Variants in NBPF20 observed in about 807,000 individuals in gnomAD.
The protein encoded by NBPF20 is NBPF member 20.
Under a neutral mutation model 68.1 loss-of-function variants are expected in NBPF20, and 90 were observed. The ratio of observed to expected loss-of-function variants is 1.32; its 90% CI spans 1.11 to 1.58. NBPF20 has a LOEUF of 1.58. NBPF20 is among the 40% of genes most tolerant of loss of function. The pLI is 0.00. For missense variants in NBPF20, 816 were observed against 601.2 expected (o/e 1.36, Z -3.74); for synonymous variants, 290 against 228.1 (o/e 1.27, Z -2.45).
At chr1:145,409,820 C>T (rs1662936756), upstream of NBPF20, among the ~76,000 whole-genome samples, 1 of 151,752 alleles carries the variant, frequency 6.6e-6, no homozygotes, top group Non-Finnish European at 1.5e-5. Context: ...TCCACATACA[C>T]ATATAGCTTA....
chr1:145,292,054 T>A (rs1553657957), intron 137 of NBPF20, among the ~76,000 whole-genome samples: 1 of 149,392 alleles, frequency 6.7e-6, no homozygotes, highest in African/African-American at 2.6e-5. Flanking sequence ...AAGGACACTC[T>A]GAGTTAGTGT....
intron 137 of NBPF20, among the ~76,000 whole-genome samples, chr1:145,292,151 C>A (rs1490336380): frequency 6.7e-6 from 1 of 149,728 alleles, no homozygotes; most frequent in East Asian, 1.9e-4. Flanking sequence ...ATGCAGTGGC[C>A]ATGAGAGTAC....
chr1:145,411,392 T>C, the NBPF20 span, among the ~76,000 whole-genome samples: 1 of 136,428 alleles, frequency 7.3e-6, no homozygotes, highest in Admixed American at 7.2e-5. Flanking sequence ...CTTTCCTTTT[T>C]TTTTTTTTTT....
chr1:145,291,494 G>C (rs782494121), exon 138 of NBPF20: 4 of 1,612,030 alleles, frequency 2.5e-6, no homozygotes, highest in Non-Finnish European at 3.4e-6. Context: ...CCTGCCTGCA[G>C]GAATGACATC....
At chr1:145,291,537 A>T in exon 138 of NBPF20, 1 of 1,612,044 alleles carries the variant, frequency 6.2e-7, no homozygotes, top group Non-Finnish European at 8.5e-7. Flanking sequence ...TATTGTGGGA[A>T]TATGACTCCC....
Position 145,294,819 on chromosome 1 carries a change from CAA to C in NBPF20, c.16324_16325del (p.Leu5442GlyfsTer10). The stretch of plus-strand genomic sequence containing the variant: ...GAGCCAAGCCAAGGTACTGTTCCTC[CAA>C]TGAGTAAACAGCACTGCTGTAGGGC... On this transcript the variant is annotated frameshift_variant, in exon 134 of 138. Coordinates refer to ENST00000369373, the Ensembl canonical transcript of NBPF20. LOFTEE classifies it high-confidence loss of function. The C allele has an allele frequency of 6.9e-6, 2 of 289,972 alleles. No individual in the cohort carries two copies. Among genetic ancestry groups the C allele is most frequent in the Non-Finnish European group, 5.7e-6 (1 of 176,318 alleles). 18.0% of individuals were successfully genotyped at this position (289,972 alleles called of 1,614,324 possible).
chr1:145,425,535 G>A, the NBPF20 span, among the ~76,000 whole-genome samples: 1 of 152,136 alleles, frequency 6.6e-6, no homozygotes, highest in African/African-American at 2.4e-5. Context: ...CAATATCGCC[G>A]CTGTCTCAAC....
chr1:145,419,641 G>C, the NBPF20 span, among the ~76,000 whole-genome samples: 1 of 151,932 alleles, frequency 6.6e-6, no homozygotes, highest in Non-Finnish European at 1.5e-5. Flanking sequence ...TTCCCTCCTC[G>C]CACTGGCTCC....
the NBPF20 span, among the ~76,000 whole-genome samples, chr1:145,415,444 G>A: frequency 6.6e-6 from 1 of 151,746 alleles, no homozygotes. Flanking sequence ...CGGGCTGGGG[G>A]ACAGTCAGGT....
chr1:145,413,525 T>C, the NBPF20 span, among the ~76,000 whole-genome samples: 1 of 152,094 alleles, frequency 6.6e-6, no homozygotes, highest in East Asian at 1.9e-4. Flanking sequence ...CTCAAAAACA[T>C]TTTGAGTGCA....
chr1:145,292,194 T>A (rs782464531), intron 137 of NBPF20, among the ~76,000 whole-genome samples, 187 bp downstream of exon 142: 1 of 149,878 alleles, frequency 6.7e-6, no homozygotes, highest in Non-Finnish European at 1.5e-5. Context: ...TATGGCACGT[T>A]AGTAAAAGAT....
the NBPF20 span, among the ~76,000 whole-genome samples, chr1:145,422,943 C>T: frequency 4.3e-5 from 6 of 140,780 alleles, no homozygotes; most frequent in Non-Finnish European, 4.6e-5. Flanking sequence ...AGCTGAGATC[C>T]TGCCACGGCA....
intron 134 of NBPF20, 87 bp downstream of exon 139, chr1:145,294,695 G>C: frequency 7.7e-6 from 1 of 129,632 alleles, no homozygotes; most frequent in South Asian, 4.5e-5. Flanking sequence ...ACATCTCTCG[G>C]GTCAGTAAGG....
intron 137 of NBPF20, 106 bp downstream of exon 142, chr1:145,292,275 T>C (rs1372860279): frequency 3.3e-6 from 2 of 608,924 alleles, no homozygotes; most frequent in Admixed American, 2.9e-5. Context: ...GTAGGAGTAA[T>C]TCAGCCTTCG....
chr1:145,292,002 G>C (rs587698482), intron 137 of NBPF20, among the ~76,000 whole-genome samples: 2 of 149,846 alleles, frequency 1.3e-5, no homozygotes, highest in Non-Finnish European at 2.9e-5. Flanking sequence ...GAGAGAAAGT[G>C]ACCTAGTGAA....
At chr1:145,400,486 C>T (rs1662469323) in exon 6 of NBPF20, 10 of 1,612,956 alleles carry the variant, frequency 6.2e-6, no homozygotes, top group African/African-American at 1.3e-5. Context: ...TTTTGGTTTT[C>T]CTATGTGGCT....
intron 8 of NBPF20, among the ~76,000 whole-genome samples, chr1:145,394,284 T>G (rs1382022126): frequency 1.3e-5 from 2 of 151,678 alleles, no homozygotes; most frequent in Admixed American, 1.3e-4. Context: ...TCTCATCAAA[T>G]ACCCAGAATT....
chr1:145,393,994 A>G (rs1553663071), intron 8 of NBPF20, 59 bp from the exon 14 acceptor site: 1 of 892,904 alleles, frequency 1.1e-6, no homozygotes, highest in South Asian at 1.3e-5. Flanking sequence ...GCACACAGAA[A>G]CATTCCTCTG....
the NBPF20 span, among the ~76,000 whole-genome samples, chr1:145,419,547 T>C: frequency 6.6e-6 from 1 of 152,116 alleles, no homozygotes; most frequent in African/African-American, 2.4e-5. Context: ...CTGCTGCTCC[T>C]TGTCCACTCC....
Sources: gnomAD v4.1 joint callset for allele counts (sites outside exome capture counted in the v4.1 genomes callset) on GRCh38, gnomAD v4.1.1 for gene constraint, MANE v1.5 for transcripts, NCBI Gene and HGNC (gene_info 2026-07-23, HGNC 2026-07-21) for gene names.